Variants in CFAP57 observed in about 807,000 individuals in gnomAD.
The protein encoded by CFAP57 is cilia and flagella associated protein 57.
In CFAP57, 116 loss-of-function variants were observed where a neutral mutation model predicts 146.8. The ratio of observed to expected loss-of-function variants is 0.79; its 90% confidence interval spans 0.68 to 0.92. CFAP57 has a LOEUF of 0.92. CFAP57 is among the 40% of genes least tolerant of loss of function. The probability of loss-of-function intolerance (pLI) is 0.00; values close to 1 mark genes in which losing one functional copy is unlikely to be tolerated. For synonymous variants in CFAP57, 518 were observed against 552.8 expected (o/e 0.94, Z 0.88); for missense variants, 1,377 against 1,527.2 (o/e 0.90, Z 1.64).
At chr1:43,213,507 G>C (rs556251694) in intron 11 of CFAP57, among the ~76,000 whole-genome samples, 1,418 of 99,476 alleles carry the variant, frequency 0.014, 28 homozygotes, top group African/African-American at 0.04. Context: ...TAAATATGGG[G>C]GGGGCGGTGG....
At chr1:43,245,983 C>T (rs1422859914) in intron 22 of CFAP57, among the ~76,000 whole-genome samples, 1 of 152,122 alleles carries the variant, frequency 6.6e-6, no homozygotes, top group African/African-American at 2.4e-5. Flanking sequence ...GAATAAAATA[C>T]TTGGGAATAA....
At chr1:43,253,628 C>G (rs553823101) in intron 22 of CFAP57, among the ~76,000 whole-genome samples, 1 of 152,132 alleles carries the variant, frequency 6.6e-6, no homozygotes, top group Admixed American at 6.5e-5. Flanking sequence ...AGTTCAGAAG[C>G]CAACATAGGT....
chr1:43,179,699 C>G (rs565729699), intron 2 of CFAP57, among the ~76,000 whole-genome samples: 1 of 152,296 alleles, frequency 6.6e-6, no homozygotes, highest in Middle Eastern at 3.4e-3. Context: ...GCCTCAACCC[C>G]TCCCGCCAGC....
chr1:43,186,237 C>A (rs1643078844), intron 5 of CFAP57, among the ~76,000 whole-genome samples: 1 of 151,910 alleles, frequency 6.6e-6, no homozygotes, highest in African/African-American at 2.4e-5. Flanking sequence ...GCCAGACCCT[C>A]TCTCAAAAAA....
intron 6 of CFAP57, among the ~76,000 whole-genome samples, chr1:43,194,029 T>C (rs2124391789): frequency 6.6e-6 from 1 of 152,262 alleles, no homozygotes; most frequent in Non-Finnish European, 1.5e-5. Context: ...TATATTTATA[T>C]TGTCTTTTAT....
intron 6 of CFAP57, among the ~76,000 whole-genome samples, chr1:43,192,940 TA>T (rs1278421058): frequency 6.6e-6 from 1 of 151,760 alleles, no homozygotes; most frequent in African/African-American, 2.4e-5. Context: ...AAAAAAAAAA[TA>T]AAAAGAAAGA....
chr1:43,211,862 A>G (rs996719755), intron 11 of CFAP57, among the ~76,000 whole-genome samples: 1 of 152,194 alleles, frequency 6.6e-6, no homozygotes, highest in Non-Finnish European at 1.5e-5. Flanking sequence ...TCTATAGTGA[A>G]CAGCCCAGTT....
intron 2 of CFAP57, among the ~76,000 whole-genome samples, chr1:43,178,798 G>A (rs1286983010): frequency 6.6e-6 from 1 of 152,132 alleles, no homozygotes; most frequent in African/African-American, 2.4e-5. Context: ...TATACCCAAA[G>A]GATTATAAAT....
intron 16 of CFAP57, 127 bp downstream of exon 16, chr1:43,223,124 C>A: frequency 9.3e-7 from 1 of 1,080,564 alleles, no homozygotes; most frequent in Non-Finnish European, 1.3e-6. Context: ...AGCGAGCAGG[C>A]TGGGAGAAGA....
chr1:43,182,392 T>C (rs1264216865), intron 3 of CFAP57, among the ~76,000 whole-genome samples: 1 of 152,208 alleles, frequency 6.6e-6, no homozygotes, highest in Non-Finnish European at 1.5e-5. Flanking sequence ...CCAAGGAGGT[T>C]TGATCTTGGT....
intron 9 of CFAP57, 71 bp downstream of exon 9, chr1:43,199,574 A>G (rs903113761): frequency 4.5e-5 from 61 of 1,362,814 alleles, no homozygotes; most frequent in Non-Finnish European, 6.2e-5. Flanking sequence ...AGTGGGATAC[A>G]GGTGAACAAA....
chr1:43,175,390 T>C (rs1040007609), intron 2 of CFAP57, among the ~76,000 whole-genome samples: 1 of 152,066 alleles, frequency 6.6e-6, no homozygotes, highest in African/African-American at 2.4e-5. Flanking sequence ...TTTTTTATCC[T>C]CCTAGGGATT....
chr1:43,248,753 A>G (rs943999473), intron 22 of CFAP57, among the ~76,000 whole-genome samples: 2 of 152,194 alleles, frequency 1.3e-5, no homozygotes, highest in Non-Finnish European at 2.9e-5. Flanking sequence ...TATAATTATT[A>G]TCCTTAATAA....
At chr1:43,219,600 C>G in intron 13 of CFAP57, 63 bp downstream of exon 13, 1 of 1,515,730 alleles carries the variant, frequency 6.6e-7, no homozygotes, top group Middle Eastern at 1.7e-4. Context: ...CAAGACAGGA[C>G]TGGCATATAC....
chr1:43,232,504 A>C lies in CFAP57; in HGVS notation c.3010-4A>C. Reference sequence around the variant, plus strand: ...TCTTGACTCTTTTCCCTTGTTGTCTACAGATGGAAGCTGAACTGGAGAATT... The same window carrying C: ...TCTTGACTCTTTTCCCTTGTTGTCTCCAGATGGAAGCTGAACTGGAGAATT... On this transcript the variant is annotated splice_polypyrimidine_tract_variant and splice_region_variant and intron_variant, in intron 18 of 22. Transcript: ENST00000372492. 6.5e-7 allele frequency: 1 copy of C among 1,548,934 alleles called. No individual in the cohort carries two copies.
intron 20 of CFAP57, 38 bp from the exon 21 acceptor site, chr1:43,234,457 C>T: frequency 1.9e-6 from 3 of 1,542,060 alleles, no homozygotes; most frequent in East Asian, 4.9e-5. Flanking sequence ...CCTCCGGGGT[C>T]TCCTCTCCCT....
Position 43,172,427 on chromosome 1 carries a change from G to T in CFAP57, c.-46G>T, listed in dbSNP as rs1644998371. ...GGTAGCGCCTCTGGATACATGCGTG[G>T]TCTGCTGACCCAGAGAGAAACGAAA... On this transcript the variant is annotated 5_prime_UTR_variant, in exon 1 of 23. Transcript: ENST00000372492. 8 of 1,551,106 alleles carry T rather than the reference G, an allele frequency of 5.2e-6. No homozygotes were observed. Among genetic ancestry groups the T allele is most frequent in the Non-Finnish European group, 4.4e-6 (5 of 1,146,902 alleles).
Position 43,219,377 on chromosome 1 carries a change from C to T in CFAP57, c.2092-5C>T. 2 of 1,547,938 alleles carry T rather than the reference C, an allele frequency of 1.3e-6. No individual in the cohort carries two copies. The highest frequency in any genetic ancestry group is 1.7e-6 in the Non-Finnish European group (2 of 1,145,316). On this transcript the variant is annotated splice_polypyrimidine_tract_variant and splice_region_variant and intron_variant, in intron 12 of 22. Transcript: ENST00000372492. The stretch of plus-strand genomic sequence containing the variant: ...GTTCTTGATCCTTCTGTCCTTCTCC[C>T]AAAGGCTCAGGTTATGTTGGAGCTA...
Position 43,232,594 on chromosome 1 carries a change from C to A in CFAP57, c.3096C>A (p.Thr1032=). 1 of 1,547,986 alleles carries A rather than the reference C, an allele frequency of 6.5e-7. No homozygotes were observed. The highest frequency in any genetic ancestry group is 8.7e-7 in the Non-Finnish European group (1 of 1,145,068). The part of the protein sequence containing the change: ...ITELWQKLRA[T]DQEMRRERQK... ...AATTGTGGCAGAAACTGAGAGCCAC[C>A]GATCAGGAGATGCGCAGAGAGAGAC... Residue 1032 remains threonine (T), a synonymous_variant, in exon 19 of 23, where the codon ACC becomes ACA. Coordinates refer to ENST00000372492, the MANE Select transcript of CFAP57 (RefSeq NM_001378189.1).
Sources: allele counts gnomAD v4.1 joint callset (sites outside exome capture counted in the v4.1 genomes callset), GRCh38; gene constraint gnomAD v4.1.1; transcripts MANE v1.5; gene names NCBI Gene and HGNC (gene_info 2026-07-23, HGNC 2026-07-21).